The following RBBP8 variants were observed in gnomAD, a reference collection of about 807,000 sequenced individuals.
RBBP8 encodes the protein RB binding protein 8, endonuclease, also known as DNA endonuclease RBBP8.
A neutral mutation model predicts 108.3 loss-of-function variants in RBBP8; 88 were observed. The ratio of observed to expected loss-of-function variants is 0.81; its 90% confidence interval spans 0.68 to 0.97. The LOEUF (loss-of-function observed/expected upper bound fraction) is 0.97. Ranked by LOEUF, RBBP8 falls within the 50% of genes least tolerant of loss-of-function variation. RBBP8 has a pLI of 0.00. For missense variants in RBBP8, 1,023 were observed against 1,049.0 expected, an observed-to-expected ratio of 0.98 and a Z score of 0.34; for synonymous variants, 332 against 348.2, an observed-to-expected ratio of 0.95 and a Z score of 0.52.
At chr18:22,994,668 A>T (rs1281559770) in intron 12 of RBBP8, among the ~76,000 whole-genome samples, 2 of 151,444 alleles carry the variant, frequency 1.3e-5, no homozygotes, top group African/African-American at 4.8e-5. Context: ...AGAAAAAAAA[A>T]ATTGTTTGCC....
chr18:22,959,722 ATGTGTGTG>A (rs142382462), intron 4 of RBBP8, among the ~76,000 whole-genome samples: 2 of 151,004 alleles, frequency 1.3e-5, no homozygotes, highest in African/African-American at 2.4e-5. Context: ...GTATATTTAT[ATGTGTGTG>A]TGTGTTTGTG....
At chr18:22,979,890 C>T (rs1199713067) in intron 6 of RBBP8, among the ~76,000 whole-genome samples, 2 of 152,278 alleles carry the variant, frequency 1.3e-5, no homozygotes, top group African/African-American at 2.4e-5. Context: ...TGTGATTCAT[C>T]GGTTAACCAA....
At chr18:22,943,380 A>G (rs1911266851) in intron 2 of RBBP8, among the ~76,000 whole-genome samples, 1 of 152,114 alleles carries the variant, frequency 6.6e-6, no homozygotes, top group Admixed American at 6.5e-5. Flanking sequence ...TCAAGGCTAC[A>G]GTGAGCCGTG....
intron 3 of RBBP8, among the ~76,000 whole-genome samples, chr18:22,921,834 A>G: frequency 6.6e-6 from 1 of 152,222 alleles, no homozygotes; most frequent in East Asian, 1.9e-4. Context: ...AGCAAAATGG[A>G]CAATTAGTAT....
At chr18:22,929,678 G>C (rs960173513), upstream of RBBP8, among the ~76,000 whole-genome samples, 1 of 151,962 alleles carries the variant, frequency 6.6e-6, no homozygotes, top group Non-Finnish European at 1.5e-5. Context: ...CACCCTATCT[G>C]GCCTCAGGTT....
chr18:22,974,060 T>C (rs1381803706), intron 5 of RBBP8, among the ~76,000 whole-genome samples: 1 of 152,240 alleles, frequency 6.6e-6, no homozygotes, highest in Non-Finnish European at 1.5e-5. Context: ...TAAGAAAATA[T>C]GTTTAGATTT....
At chr18:22,938,399 G>C (rs536123665) in intron 2 of RBBP8, among the ~76,000 whole-genome samples, 24 of 152,066 alleles carry the variant, frequency 1.6e-4, no homozygotes, top group Non-Finnish European at 2.6e-4. Context: ...TGTTGCCCAG[G>C]CTGGTCTCAA....
At chr18:22,974,772 G>T (rs998899050) in intron 5 of RBBP8, among the ~76,000 whole-genome samples, 8 of 152,050 alleles carry the variant, frequency 5.3e-5, no homozygotes, top group Non-Finnish European at 7.4e-5. Context: ...TTATTTTTAT[G>T]ATCAAATTAA....
rs76707653 is a variant in RBBP8, at chr18:22,943,681, C to T, written c.110-2763C>T. Among the ~76,000 whole-genome samples, 174 of 152,084 alleles carry T rather than the reference C, an allele frequency of 1.1e-3. 1 individual carries two copies. The East Asian group carries it at 0.03, about 26-fold the overall frequency. Reference sequence around the variant, plus strand: ...TTAATTACTTCATTTGTATATAAAGCCCCCACTGTTTGTCAAGAAAGTGAT... The same window carrying T: ...TTAATTACTTCATTTGTATATAAAGTCCCCACTGTTTGTCAAGAAAGTGAT... On this transcript the variant is annotated intron_variant, in intron 2 of 18. Transcript: ENST00000327155.
intron 4 of RBBP8, among the ~76,000 whole-genome samples, chr18:22,951,849 C>T (rs138018696): frequency 1.3e-5 from 2 of 152,254 alleles, no homozygotes; most frequent in African/African-American, 4.8e-5. Context: ...GGTTACAAGT[C>T]AACAGCCAAA....
In RBBP8 at chr18:22,994,357, T is replaced by G. The variant is rs1447244699; in HGVS notation, c.1939+510T>G. 5.4e-5 allele frequency among the ~76,000 whole-genome samples: 8 copies of G among 148,202 alleles called. No individual in the cohort carries two copies. In the South Asian group the frequency reaches 1.8e-3, roughly 33 times the overall value. ...CGTTTTTAAACTCCTTTAAAAACAT[T>G]GTTGGCCCGGTACGGTGGCTCACAC... On this transcript the variant is annotated intron_variant, in intron 12 of 18. Transcript: ENST00000327155.
intron 2 of RBBP8, chr18:22,946,222 G>C (rs1327786221): frequency 2.0e-6 from 1 of 491,876 alleles, no homozygotes; most frequent in African/African-American, 1.9e-5. Context: ...ACTTACTTTA[G>C]ATGGGGAAAA....
At chr18:23,012,260 G>A (rs2046182141) in intron 16 of RBBP8, among the ~76,000 whole-genome samples, 2 of 140,342 alleles carry the variant, frequency 1.4e-5, no homozygotes, top group South Asian at 4.8e-4. Context: ...AAGTATACAA[G>A]TGAAAGGAAG....
intron 16 of RBBP8, among the ~76,000 whole-genome samples, chr18:23,012,662 A>G (rs996099524): frequency 1.3e-5 from 2 of 152,254 alleles, no homozygotes; most frequent in Non-Finnish European, 1.5e-5. Context: ...CCATAATATA[A>G]AAGTGCAAAG....
intron 17 of RBBP8, among the ~76,000 whole-genome samples, chr18:23,019,261 C>T (rs1023192807): frequency 3.9e-5 from 6 of 152,168 alleles, no homozygotes; most frequent in African/African-American, 1.4e-4. Context: ...TTGCTAGAAA[C>T]ACTGTTAAGT....
At chr18:22,934,878 A>G (rs1321841167) in intron 1 of RBBP8, 1 of 151,376 alleles carries the variant, frequency 6.6e-6, no homozygotes, top group Admixed American at 6.6e-5. Flanking sequence ...TCTTCCCCCA[A>G]CTCTAAAATG....
In RBBP8 at chr18:22,996,429, G is replaced by C. The variant is rs756120370; in HGVS notation, c.1995G>C (p.Gln665His). The C allele has an allele frequency of 1.2e-6, 2 of 1,613,544 alleles. No homozygotes were observed. Among genetic ancestry groups the C allele is most frequent in the Non-Finnish European group, 1.7e-6 (2 of 1,179,840 alleles). Residue 665 changes from glutamine to histidine, a missense_variant, in exon 13 of 19, where the codon CAG (glutamine) becomes CAC (histidine). Physicochemically the swap from Gln to His is conservative, Grantham distance 24 (BLOSUM62 0). Coordinates refer to ENST00000327155, the MANE Select transcript of RBBP8 (RefSeq NM_002894.3). ...WSIDPGADLS[Q>H]YKMDVTVIDT... The stretch of plus-strand genomic sequence containing the variant: ...TAGATCCGGGAGCAGACCTTTCTCA[G>C]TATAAAATGGATGTTACTGTAATAG...
chr18:22,990,287 A>G (rs1227628235), intron 9 of RBBP8, among the ~76,000 whole-genome samples: 1 of 152,178 alleles, frequency 6.6e-6, no homozygotes, highest in Non-Finnish European at 1.5e-5. Flanking sequence ...AGACCTACTG[A>G]ACTTGCATTG....
intron 6 of RBBP8, among the ~76,000 whole-genome samples, chr18:22,981,537 A>C (rs1045822461): frequency 6.6e-6 from 1 of 152,148 alleles, no homozygotes; most frequent in Non-Finnish European, 1.5e-5. Flanking sequence ...GTGATAATTA[A>C]ACTCATAATT....
Sources: allele counts gnomAD v4.1 joint callset (sites outside exome capture counted in the v4.1 genomes callset), GRCh38; gene constraint gnomAD v4.1.1; transcripts MANE v1.5; gene names NCBI Gene and HGNC (gene_info 2026-07-23, HGNC 2026-07-21).